CA12: variants seen among roughly 807,000 people sequenced by gnomAD.
CA12 encodes carbonate dehydratase XII.
A neutral mutation model predicts 46.8 loss-of-function variants in CA12; 36 were observed. That is an observed-to-expected ratio of 0.77 (90% CI 0.59 to 1.02). CA12 has a LOEUF of 1.02. Ranked by LOEUF, CA12 falls within the 50% of genes least tolerant of loss-of-function variation. CA12 has a pLI of 0.00. For synonymous variants in CA12, 202 were observed against 187.0 expected (o/e 1.08, Z -0.65); for missense variants, 436 against 451.4 (o/e 0.97, Z 0.31).
intron 2 of CA12, among the ~76,000 whole-genome samples, chr15:63,366,518 GA>G (rs1349345167): frequency 6.6e-6 from 1 of 152,156 alleles, no homozygotes; most frequent in Admixed American, 6.5e-5. Context: ...TAATGGTAGG[GA>G]CCAAGCCTTG....
chr15:63,332,215 G>A (rs1229755276), intron 8 of CA12, among the ~76,000 whole-genome samples: 1 of 152,232 alleles, frequency 6.6e-6, no homozygotes, highest in East Asian at 1.9e-4. Context: ...TTCAGATGAT[G>A]CTTTGCCAAG....
In CA12 at chr15:63,345,017, A is replaced by G. The variant is rs1013826762; in HGVS notation, c.429+460T>C. ...AGGGTGGCCCTAGACCCATGTCCCC[A>G]TGTTCTAAACACAACCCATGCCCAG... On this transcript the variant is annotated intron_variant, in intron 4 of 10. Coordinates refer to ENST00000178638, the MANE Select transcript of CA12 (RefSeq NM_001218.5). The surrounding 1 kb of genome is among the most constrained non-coding windows in gnomAD (Gnocchi z 4.3). Among the ~76,000 whole-genome samples the G allele has an allele frequency of 1.3e-5, 2 of 152,142 alleles. No individual in the cohort carries two copies. Among genetic ancestry groups the G allele is most frequent in the African/African-American group, 4.8e-5 (2 of 41,434 alleles).
chr15:63,359,453 C>T (rs1949175683), intron 2 of CA12, among the ~76,000 whole-genome samples: 1 of 152,080 alleles, frequency 6.6e-6, no homozygotes, highest in Non-Finnish European at 1.5e-5. Flanking sequence ...ATTTTGCACA[C>T]TTGCTTTCTC....
chr15:63,381,127 T>G (rs1219059441), intron 1 of CA12, among the ~76,000 whole-genome samples: 1 of 151,848 alleles, frequency 6.6e-6, no homozygotes, highest in Non-Finnish European at 1.5e-5. Context: ...AGAAAAACAA[T>G]GATTAAGAAT....
At chr15:63,338,794 TC>T in intron 8 of CA12, 24 bp downstream of exon 8, 1 of 1,612,156 alleles carries the variant, frequency 6.2e-7, no homozygotes, top group Non-Finnish European at 8.5e-7. Context: ...CCGCACCCCC[TC>T]CCCCCAGCAC....
At chr15:63,368,986 G>A (rs2039468982) in intron 2 of CA12, among the ~76,000 whole-genome samples, 1 of 152,230 alleles carries the variant, frequency 6.6e-6, no homozygotes, top group African/African-American at 2.4e-5. Flanking sequence ...GGAGACTTCA[G>A]GGGCTTGGCT....
chr15:63,366,128 G>A (rs574757277), intron 2 of CA12, among the ~76,000 whole-genome samples: 3 of 118,422 alleles, frequency 2.5e-5, no homozygotes, highest in East Asian at 4.9e-4. Flanking sequence ...GTGACAGAGC[G>A]AGACTATCTC....
intron 8 of CA12, among the ~76,000 whole-genome samples, chr15:63,337,339 A>C (rs959845469): frequency 1.3e-5 from 2 of 152,244 alleles, no homozygotes; most frequent in African/African-American, 2.4e-5. Context: ...ATGTTCAACT[A>C]AGTTTAGGAG....
chr15:63,376,521 T>C (rs1388588603), intron 1 of CA12, among the ~76,000 whole-genome samples: 1 of 150,738 alleles, frequency 6.6e-6, no homozygotes, highest in Non-Finnish European at 1.5e-5. Flanking sequence ...ACATTTTCTC[T>C]CTCTCTCTGT....
chr15:63,346,433 T>G, intron 3 of CA12, 97 bp downstream of exon 3: 3 of 561,836 alleles, frequency 5.3e-6, no homozygotes, highest in Non-Finnish European at 9.6e-6. Flanking sequence ...TCCTGGATGC[T>G]TCCACGGAAC....
chr15:63,376,600 T>TTCTTTCTTTCTTTTCTTTCTTTC (rs10623502), intron 1 of CA12, among the ~76,000 whole-genome samples: 2 of 134,094 alleles, frequency 1.5e-5, no homozygotes, highest in Admixed American at 1.7e-4. Context: ...CTTTCTTTCT[T>TTCTTTCTTTCTTTTCTTTCTTTC]TCTCTCTCTC....
In CA12 at chr15:63,339,004, G is replaced by A; in HGVS notation, c.748-59C>T. 2 of 1,608,370 alleles carry A rather than the reference G, an allele frequency of 1.2e-6. No individual in the cohort carries two copies. The highest frequency in any genetic ancestry group is 1.7e-6 in the Non-Finnish European group (2 of 1,176,814). ...AATGACCTCCTCACCTGATCCCCTGGGAAGAGGCTAGCTCTCCGCTCTTGC... is the reference window on the plus strand; with the variant it reads ...AATGACCTCCTCACCTGATCCCCTGAGAAGAGGCTAGCTCTCCGCTCTTGC... On this transcript the variant is annotated intron_variant, in intron 7 of 10. Coordinates refer to ENST00000178638, the MANE Select transcript of CA12 (RefSeq NM_001218.5). This position sits in a 1 kb window ranked among gnomAD's most constrained non-coding sequence, Gnocchi z 4.3.
intron 8 of CA12, among the ~76,000 whole-genome samples, chr15:63,332,303 C>CAGT (rs2038946912): frequency 6.6e-6 from 1 of 152,250 alleles, no homozygotes; most frequent in African/African-American, 2.4e-5. Context: ...CTTATGAACG[C>CAGT]TATGCAACCC....
chr15:63,359,190 C>T (rs764302320), intron 2 of CA12, among the ~76,000 whole-genome samples: 24 of 152,182 alleles, frequency 1.6e-4, no homozygotes, highest in Admixed American at 5.9e-4. Flanking sequence ...CTGGCTACCC[C>T]CTTTGGATAA....
chr15:63,336,766 A>C (rs1406061404), intron 8 of CA12, among the ~76,000 whole-genome samples: 16 of 152,022 alleles, frequency 1.1e-4, no homozygotes, highest in Admixed American at 1.0e-3. Flanking sequence ...GCCAGGAGGA[A>C]GCAAAGCCAG....
chr15:63,381,529 T>A, intron 1 of CA12, 107 bp downstream of exon 1: 1 of 943,746 alleles, frequency 1.1e-6, no homozygotes, highest in South Asian at 1.4e-5. Flanking sequence ...GTACTACACC[T>A]TCCCTGCTCC....
At chr15:63,364,221 A>T (rs1485299456) in intron 2 of CA12, among the ~76,000 whole-genome samples, 1 of 147,082 alleles carries the variant, frequency 6.8e-6, no homozygotes, top group Non-Finnish European at 1.5e-5. Context: ...GCTAGGTGCG[A>T]TGGCTCACAA....
At chr15:63,376,919 A>G (rs2039585310) in intron 1 of CA12, among the ~76,000 whole-genome samples, 1 of 152,132 alleles carries the variant, frequency 6.6e-6, no homozygotes, top group Non-Finnish European at 1.5e-5. Flanking sequence ...CTGGGATTAC[A>G]GGTGTGAGCC....
intron 2 of CA12, among the ~76,000 whole-genome samples, chr15:63,367,435 C>G (rs1429689703): frequency 6.6e-6 from 1 of 152,146 alleles, no homozygotes; most frequent in Admixed American, 6.5e-5. Context: ...AAGTGGTGTG[C>G]CAATGAGGAG....
Sources: gnomAD v4.1 joint callset for allele counts (sites outside exome capture counted in the v4.1 genomes callset) on GRCh38, gnomAD v4.1.1 for gene constraint, Gnocchi (gnomAD v3.1) non-coding constraint, MANE v1.5 for transcripts, NCBI Gene and HGNC (gene_info 2026-07-23, HGNC 2026-07-21) for gene names.